OR9Q2: variants seen among roughly 807,000 people sequenced by gnomAD.
The protein encoded by OR9Q2 is olfactory receptor 9Q2.
OR9Q2 carries 2 observed loss-of-function variants against 2.3 expected under a neutral mutation model. The ratio of observed to expected loss-of-function variants is 0.85; its 90% CI spans 0.35 to 2.68. OR9Q2 has a LOEUF of 2.68. OR9Q2 is among the 30% of genes most tolerant of loss of function. The probability of loss-of-function intolerance (pLI) is 0.10; values close to 1 mark genes in which losing one functional copy is unlikely to be tolerated. For synonymous variants in OR9Q2, 178 were observed against 158.6 expected (o/e 1.12, Z -0.92); for missense variants, 404 against 395.7 (o/e 1.02, Z -0.18).
At chr11:58,189,923 G>GT (rs1854742008) in intron 1 of OR9Q2, among the ~76,000 whole-genome samples, 1 of 152,188 alleles carries the variant, frequency 6.6e-6, no homozygotes, top group African/African-American at 2.4e-5. Flanking sequence ...ACTGAGAATA[G>GT]TAATATTCCT....
At position 58,193,263 on chromosome 11, in the gene OR9Q2, T is replaced by G. The variant is rs1337090128; in HGVS notation, c.*1828T>G. 1 of 152,162 alleles carries G rather than the reference T, an allele frequency of 6.6e-6. No individual in the cohort carries two copies. Among genetic ancestry groups the G allele is most frequent in the Middle Eastern group, 3.2e-3 (1 of 316 alleles). 9.4% of individuals were successfully genotyped at this position (152,162 alleles called of 1,614,324 possible). A position where few individuals can be genotyped will look rare whatever the true frequency, so the allele number is the denominator to read the frequency against. Reference sequence around the variant, plus strand: ...TCTGGGCCTCTTTATTGAAGAACTGTCTGGAACAGTCCCTCCTGGGCCCAG... The same window carrying G: ...TCTGGGCCTCTTTATTGAAGAACTGGCTGGAACAGTCCCTCCTGGGCCCAG... On this transcript the variant is annotated 3_prime_UTR_variant, in exon 2 of 2. Transcript: ENST00000641291.
Position 58,193,092 on chromosome 11 carries a change from A to G in OR9Q2, c.*1657A>G, listed in dbSNP as rs1854779522. 6.6e-6 allele frequency: 1 copy of G among 152,216 alleles called. No individual in the cohort carries two copies. Among genetic ancestry groups the G allele is most frequent in the Non-Finnish European group, 1.5e-5 (1 of 68,038 alleles). 9.4% of individuals were successfully genotyped at this position (152,216 alleles called of 1,614,324 possible). On this transcript the variant is annotated 3_prime_UTR_variant, in exon 2 of 2. Transcript: ENST00000641291. ...TCATTTATTCTCACAATAACTTGGT[A>G]TATTTGGATAATTGGAAGGCATTCG...
Position 58,190,722 on chromosome 11 carries a change from A to T in OR9Q2, c.232A>T (p.Ile78Phe). 6.2e-7 allele frequency: 1 copy of T among 1,614,174 alleles called. No individual in the cohort carries two copies. Among genetic ancestry groups the T allele is most frequent in the Non-Finnish European group, 8.5e-7 (1 of 1,180,036 alleles). The change falls in exon 2 of 2, where the codon ATC becomes TTC. Residue 78 changes from isoleucine (I) to phenylalanine (F), a missense_variant. Coordinates refer to ENST00000641291, the MANE Select transcript of OR9Q2 (RefSeq NM_001005283.3). ...LVDICYSSAI[I>F]PQMLAVLWEH... ...GGACATCTGCTACTCGTCCGCCATC[A>T]TCCCTCAGATGCTGGCTGTGCTGTG...
In OR9Q2 at chr11:58,190,997, T is replaced by C; in HGVS notation, c.507T>C (p.Cys169=). ...RTVTAFTLSF[C]GNNEINFIFC... The stretch of plus-strand genomic sequence containing the variant: ...TCACAGCCTTCACTCTCTCCTTTTG[T>C]GGAAACAATGAGATCAACTTCATTT... The change falls in exon 2 of 2, where the codon TGT becomes TGC. Residue 169 remains cysteine (C), a synonymous_variant. Transcript: ENST00000641291. The C allele has an allele frequency of 6.2e-7, 1 of 1,614,214 alleles. No homozygotes were observed. Among genetic ancestry groups the C allele is most frequent in the Non-Finnish European group, 8.5e-7 (1 of 1,180,034 alleles).
Position 58,191,442 on chromosome 11 carries a change from C to T in OR9Q2, c.*7C>T. Reference sequence around the variant, plus strand: ...GCCTGCTAGAAGACCCTAAATGGACCCTTGTGAAATATATCATTCCTTAGT... The same window carrying T: ...GCCTGCTAGAAGACCCTAAATGGACTCTTGTGAAATATATCATTCCTTAGT... On this transcript the variant is annotated 3_prime_UTR_variant, in exon 2 of 2. Transcript: ENST00000641291. The T allele has an allele frequency of 1.9e-6, 3 of 1,539,400 alleles. No individual in the cohort carries two copies. Among genetic ancestry groups the T allele is most frequent in the Non-Finnish European group, 1.8e-6 (2 of 1,135,384 alleles).
At position 58,191,584 on chromosome 11, in the gene OR9Q2, T is replaced by C. The variant is rs1854765780; in HGVS notation, c.*149T>C. The C allele has an allele frequency of 3.5e-6, 2 of 570,114 alleles. No homozygotes were observed. The highest frequency in any genetic ancestry group is 3.7e-5 in the African/African-American group (2 of 53,812). 35.3% of individuals were successfully genotyped at this position (570,114 alleles called of 1,614,324 possible). On this transcript the variant is annotated 3_prime_UTR_variant, in exon 2 of 2. Transcript: ENST00000641291. ...CCACTTTCTGATTTATTATTCCATGTAATACTTATCATCATCTGACATATT... is the reference window on the plus strand; with the variant it reads ...CCACTTTCTGATTTATTATTCCATGCAATACTTATCATCATCTGACATATT...
intron 1 of OR9Q2, among the ~76,000 whole-genome samples, chr11:58,189,630 C>T (rs899445513): frequency 1.7e-4 from 26 of 152,226 alleles, no homozygotes; most frequent in Admixed American, 3.3e-4. Context: ...TTTATTAATC[C>T]GAATTTCTCC....
In OR9Q2 at chr11:58,190,946, T is replaced by G. The variant is rs769316208; in HGVS notation, c.456T>G (p.Gly152=). 1 of 1,614,142 alleles carries G rather than the reference T, an allele frequency of 6.2e-7. No homozygotes were observed. Among genetic ancestry groups the G allele is most frequent in the Admixed American group, 1.7e-5 (1 of 60,024 alleles). ...WGLVTGAYVA[G]FFSAFVRTVT... ...TAGTCACTGGGGCTTACGTTGCTGG[T>G]TTTTTCAGTGCCTTTGTTCGAACGG... Residue 152 remains glycine, a synonymous_variant, in exon 2 of 2, where the codon GGT becomes GGG. Transcript: ENST00000641291.
At chr11:58,189,990 C>T (rs1311111870) in intron 1 of OR9Q2, among the ~76,000 whole-genome samples, 1 of 152,076 alleles carries the variant, frequency 6.6e-6, no homozygotes, top group Non-Finnish European at 1.5e-5. Flanking sequence ...TGTTTTTGTT[C>T]AGAGAATATA....
chr11:58,190,381 A>C lies in OR9Q2; in HGVS notation c.-110A>C. The C allele has an allele frequency of 1.4e-6, 1 of 715,728 alleles. No individual in the cohort carries two copies. Among genetic ancestry groups the C allele is most frequent in the South Asian group, 1.8e-5 (1 of 55,940 alleles). 44.3% of individuals were successfully genotyped at this position (715,728 alleles called of 1,614,324 possible). ...AAGTGTGTTGAAGTTGAGTGCCGAC[A>C]TGTAAGACATTCAATTTAAAGCTTT... is the stretch of plus-strand genomic sequence containing the variant. On this transcript the variant is annotated 5_prime_UTR_variant, in exon 2 of 2. An upstream start codon of the reference 5' UTR is lost. Transcript: ENST00000641291.
rs1168638478 is a variant in OR9Q2 at position 58,191,083 on chromosome 11, T to C, written c.593T>C (p.Val198Ala). The C allele has an allele frequency of 1.9e-6, 3 of 1,614,150 alleles. No homozygotes were observed. The highest frequency in any genetic ancestry group is 2.5e-6 in the Non-Finnish European group (3 of 1,180,018). The stretch of plus-strand genomic sequence containing the variant: ...GGGGACAGCTACACTCAGGAAGTGG[T>C]GATTATTGTGTTTGCTCTTTTCGTC... The part of the protein sequence containing the change: ...SCGDSYTQEV[V>A]IIVFALFVMP... The change falls in exon 2 of 2, where the codon GTG becomes GCG. Residue 198 changes from valine (V) to alanine (A), a missense_variant. Physicochemically the swap from Val to Ala is moderately conservative, Grantham distance 64. Transcript: ENST00000641291.
In OR9Q2 at chr11:58,191,132, C is replaced by T. The variant is rs1266665795; in HGVS notation, c.642C>T (p.Ile214=). 6.2e-7 allele frequency: 1 copy of T among 1,614,178 alleles called. No homozygotes were observed. The highest frequency in any genetic ancestry group is 1.1e-5 in the South Asian group (1 of 91,090). The stretch of plus-strand genomic sequence containing the variant: ...TCATGCCTGCCTGTATCTTGGTGAT[C>T]TTGGTATCCTACCTGTTTATCATTG... The part of the protein sequence containing the change: ...LFVMPACILV[I]LVSYLFIIVA... Residue 214 remains isoleucine, a synonymous_variant, in exon 2 of 2, where the codon ATC becomes ATT. Transcript: ENST00000641291.
Position 58,191,400 on chromosome 11 carries a change from G to A in OR9Q2, c.910G>A (p.Ala304Thr), listed in dbSNP as rs200948332. 6 of 1,609,390 alleles carry A rather than the reference G, an allele frequency of 3.7e-6. No individual in the cohort carries two copies. The African/African-American group carries it at 5.4e-5, about 14-fold the overall frequency. ...GGAGGTAAAAGAGGCCACTAGGAAA[G>A]CCCTGAGCAAATCAAAGCCTGCTAG... is the stretch of plus-strand genomic sequence containing the variant. ...NKEVKEATRK[A>T]LSKSKPARRP The change falls in exon 2 of 2, where the codon GCC becomes ACC. Residue 304 changes from alanine to threonine, a missense_variant. Transcript: ENST00000641291.
Position 58,191,548 on chromosome 11 carries a change from AC to A in OR9Q2, c.*114del. On this transcript the variant is annotated 3_prime_UTR_variant, in exon 2 of 2. Transcript: ENST00000641291. Reference sequence around the variant, plus strand: ...TAACCCTATGCAAAATCGCACCTGAACTTCCCACCTCCACTTTCTGATTTAT... The same window carrying A: ...TAACCCTATGCAAAATCGCACCTGAATTCCCACCTCCACTTTCTGATTTAT... 2 of 633,630 alleles carry A rather than the reference AC, an allele frequency of 3.2e-6. No individual in the cohort carries two copies. Among genetic ancestry groups the A allele is most frequent in the Non-Finnish European group, 2.7e-6 (1 of 366,244 alleles). The allele number at this position is 633,630 out of a possible 1,614,324, so 39.3% of individuals were successfully genotyped here. A position where few individuals can be genotyped will look rare whatever the true frequency, so the allele number is the denominator to read the frequency against.
rs1206275980 is a variant in OR9Q2 at position 58,193,701 on chromosome 11, TG to T, written c.*2267del. ...ATTTCAGTTGCATTCTTGATCTCCATGTTTGGTAGGTGTGGGCTGAGATGGG... is the reference window on the plus strand; with the variant it reads ...ATTTCAGTTGCATTCTTGATCTCCATTTTGGTAGGTGTGGGCTGAGATGGG... On this transcript the variant is annotated 3_prime_UTR_variant, in exon 2 of 2. Coordinates refer to ENST00000641291, the MANE Select transcript of OR9Q2 (RefSeq NM_001005283.3). The T allele has an allele frequency of 2.0e-5, 3 of 152,194 alleles. No homozygotes were observed. The highest frequency in any genetic ancestry group is 4.4e-5 in the Non-Finnish European group (3 of 68,050). 9.4% of individuals were successfully genotyped at this position (152,194 alleles called of 1,614,324 possible).
rs879515130 is a variant in OR9Q2 at position 58,192,765 on chromosome 11, T to C, written c.*1330T>C. ...TGGCCAAGAGGTTTGGGATCATATA[T>C]CAGCTCTGGTAGAAATCATTTAAAA... On this transcript the variant is annotated 3_prime_UTR_variant, in exon 2 of 2. Coordinates refer to ENST00000641291, the MANE Select transcript of OR9Q2 (RefSeq NM_001005283.3). The C allele has an allele frequency of 2.0e-5, 3 of 152,198 alleles. No individual in the cohort carries two copies. The highest frequency in any genetic ancestry group is 6.5e-5 in the Admixed American group (1 of 15,280). 9.4% of individuals were successfully genotyped at this position (152,198 alleles called of 1,614,324 possible).
chr11:58,190,788 C>G lies in OR9Q2; in HGVS notation c.298C>G (p.Gln100Glu). ...TTISQARCAA[Q>E]FFLFTFFASI... ...CATCTCCCAGGCTCGCTGTGCAGCT[C>G]AGTTCTTCCTCTTCACCTTCTTTGC... is the stretch of plus-strand genomic sequence containing the variant. The change falls in exon 2 of 2, where the codon CAG becomes GAG. Residue 100 changes from glutamine to glutamate, a missense_variant. Physicochemically the swap from Gln to Glu is conservative, Grantham distance 29. Coordinates refer to ENST00000641291, the MANE Select transcript of OR9Q2 (RefSeq NM_001005283.3). 6.2e-7 allele frequency: 1 copy of G among 1,614,204 alleles called. No homozygotes were observed. Among genetic ancestry groups the G allele is most frequent in the Non-Finnish European group, 8.5e-7 (1 of 1,180,046 alleles).
rs1854783192 is a variant in OR9Q2 at position 58,193,508 on chromosome 11, G to A, written c.*2073G>A. 6.6e-6 allele frequency: 1 copy of A among 152,196 alleles called. No individual in the cohort carries two copies. Among genetic ancestry groups the A allele is most frequent in the Non-Finnish European group, 1.5e-5 (1 of 68,044 alleles). 9.4% of individuals were successfully genotyped at this position (152,196 alleles called of 1,614,324 possible). ...AATCTAAGACTCAGAGATATTATGT[G>A]ACTTGACCAAGTTATGTAGCAAGAA... On this transcript the variant is annotated 3_prime_UTR_variant, in exon 2 of 2. Coordinates refer to ENST00000641291, the MANE Select transcript of OR9Q2 (RefSeq NM_001005283.3).
At chr11:58,189,201 C>G (rs1854735402) in intron 1 of OR9Q2, 93 bp downstream of exon 1, 1 of 152,144 alleles carries the variant, frequency 6.6e-6, no homozygotes, top group African/African-American at 2.4e-5. Context: ...AGAAGTGAGA[C>G]TAAAACACAG....
Sources: gnomAD v4.1 joint callset for allele counts (sites outside exome capture counted in the v4.1 genomes callset) on GRCh38, gnomAD v4.1.1 for gene constraint, MANE v1.5 for transcripts, NCBI Gene and HGNC (gene_info 2026-07-23, HGNC 2026-07-21) for gene names.